CDK6: variants seen among roughly 807,000 people sequenced by gnomAD.
CDK6 encodes cyclin-dependent kinase 6.
A neutral mutation model predicts 37.1 loss-of-function variants in CDK6; 6 were observed. That is an observed-to-expected ratio of 0.16 (90% confidence interval 0.09 to 0.32). The LOEUF (loss-of-function observed/expected upper bound fraction) is 0.32, where lower values mean the gene tolerates loss of function less well. Among genes scored for constraint, CDK6 ranks in the 10% least tolerant of loss-of-function variants. The pLI is 1.00. For synonymous variants in CDK6, 160 were observed against 161.3 expected, an observed-to-expected ratio of 0.99 and a Z score of 0.06; for missense variants, 224 against 418.9, an observed-to-expected ratio of 0.53 and a Z score of 4.06.
At chr7:92,657,604 A>G (rs60814640) in intron 5 of CDK6, among the ~76,000 whole-genome samples, 63,091 of 152,024 alleles carry the variant, frequency 0.42, 13,971 homozygotes, top group African/African-American at 0.57. Flanking sequence ...CTTCCCTATC[A>G]CTACCCAACT....
rs1458517687 is a variant in CDK6, at chr7:92,615,138, C to T, written c.*2G>A. On this transcript the variant is annotated 3_prime_UTR_variant, in exon 8 of 8. Transcript: ENST00000424848. ...GATCAGCTTAAGGCGGCTGCTGAGG[C>T]CTCAGGCTGTATTCAGCTCCGAGGT... 6.2e-7 allele frequency: 1 copy of T among 1,613,302 alleles called. No individual in the cohort carries two copies. The highest frequency in any genetic ancestry group is 1.3e-5 in the African/African-American group (1 of 74,888).
At chr7:92,734,759 G>C (rs1458109844) in intron 3 of CDK6, among the ~76,000 whole-genome samples, 1 of 152,180 alleles carries the variant, frequency 6.6e-6, no homozygotes, top group Non-Finnish European at 1.5e-5. Context: ...AAGAGGCATG[G>C]CATATAAATC....
chr7:92,684,128 G>A (rs1413616839), intron 4 of CDK6, among the ~76,000 whole-genome samples: 2 of 151,478 alleles, frequency 1.3e-5, no homozygotes, highest in Admixed American at 6.6e-5. Flanking sequence ...TGTGAGGCGA[G>A]TATCAACGAC....
intron 4 of CDK6, among the ~76,000 whole-genome samples, chr7:92,704,617 A>T (rs1411572240): frequency 6.6e-6 from 1 of 152,166 alleles, no homozygotes; most frequent in Non-Finnish European, 1.5e-5. Flanking sequence ...TATTCCCCTC[A>T]ATATTATTGC....
rs1283227264 is a variant in CDK6, at chr7:92,725,221, ACT to A, written c.537+403_537+404del. On this transcript the variant is annotated intron_variant, in intron 4 of 7. Coordinates refer to ENST00000424848, the MANE Select transcript of CDK6 (RefSeq NM_001145306.2). ...AGTGCATTAACAAACCTGTGTAGGC[ACT>A]CTGTTTCTCAAAACCATGATGCTGC... 22 of 985,134 alleles carry A rather than the reference ACT, an allele frequency of 2.2e-5. No homozygotes were observed. The Admixed American group carries it at 4.3e-4, about 19-fold the overall frequency. 61.0% of individuals were successfully genotyped at this position (985,134 alleles called of 1,614,324 possible). A position where few individuals can be genotyped will look rare whatever the true frequency, so the allele number is the denominator to read the frequency against.
intron 3 of CDK6, among the ~76,000 whole-genome samples, chr7:92,762,193 C>A (rs1009177808): frequency 6.6e-6 from 1 of 152,164 alleles, no homozygotes; most frequent in Non-Finnish European, 1.5e-5. Flanking sequence ...ATGTTTCAGG[C>A]ACTTACACTC....
rs1795726295 is a variant in CDK6 at position 92,618,328 on chromosome 7, C to T, written c.699-121G>A. 6 of 913,052 alleles carry T rather than the reference C, an allele frequency of 6.6e-6. No homozygotes were observed. The South Asian group carries it at 8.3e-5, about 13-fold the overall frequency. 56.6% of individuals were successfully genotyped at this position (913,052 alleles called of 1,614,324 possible). The stretch of plus-strand genomic sequence containing the variant: ...CATGGGGGGCAGAGTCCCAGGAGAC[C>T]TTCACTTTATCACTGGCAGGGTCTC... On this transcript the variant is annotated intron_variant, in intron 6 of 7. Transcript: ENST00000424848.
intron 5 of CDK6, among the ~76,000 whole-genome samples, chr7:92,656,192 TA>T (rs1195955780): frequency 6.6e-6 from 1 of 152,104 alleles, no homozygotes; most frequent in Non-Finnish European, 1.5e-5. Flanking sequence ...TAAAAGAAGC[TA>T]GGTAATATCT....
chr7:92,785,438 G>C (rs1181521288), intron 2 of CDK6, among the ~76,000 whole-genome samples: 2 of 152,134 alleles, frequency 1.3e-5, no homozygotes, highest in Non-Finnish European at 2.9e-5. Context: ...TTTCTTCTTG[G>C]AGTGATGAAA....
At chr7:92,726,959 C>A (rs558543494) in intron 3 of CDK6, among the ~76,000 whole-genome samples, 2 of 152,120 alleles carry the variant, frequency 1.3e-5, no homozygotes, top group African/African-American at 4.8e-5. Context: ...TAAATGGCAG[C>A]GCTTATTACT....
chr7:92,828,877 T>C (rs1403298071), intron 2 of CDK6, among the ~76,000 whole-genome samples: 2 of 152,290 alleles, frequency 1.3e-5, no homozygotes, highest in Non-Finnish European at 2.9e-5. Context: ...CTAAACAACC[T>C]TGAAAAATCA....
intron 5 of CDK6, among the ~76,000 whole-genome samples, chr7:92,666,226 T>G (rs578087370): frequency 1.3e-5 from 2 of 152,342 alleles, no homozygotes; most frequent in East Asian, 3.9e-4. Context: ...AAAAACAGAC[T>G]TGTCATTATA....
chr7:92,747,216 A>C (rs1270624552), intron 3 of CDK6, among the ~76,000 whole-genome samples: 1 of 152,156 alleles, frequency 6.6e-6, no homozygotes, highest in Non-Finnish European at 1.5e-5. Flanking sequence ...AAGTCCTGTC[A>C]AGTCTTCTCA....
intron 5 of CDK6, among the ~76,000 whole-genome samples, chr7:92,666,509 A>ATATT (rs1796959302): frequency 6.6e-6 from 1 of 152,226 alleles, no homozygotes; most frequent in Non-Finnish European, 1.5e-5. Flanking sequence ...TAGTGGTTAT[A>ATATT]TATTTATTCT....
intron 3 of CDK6, among the ~76,000 whole-genome samples, chr7:92,768,468 G>A (rs1448515777): frequency 1.3e-5 from 2 of 152,150 alleles, no homozygotes; most frequent in Admixed American, 6.5e-5. Flanking sequence ...CCTCTCAGGT[G>A]TCTTTCACAA....
chr7:92,719,795 C>T (rs146370802), intron 4 of CDK6, among the ~76,000 whole-genome samples: 5 of 152,296 alleles, frequency 3.3e-5, no homozygotes, highest in East Asian at 1.9e-4. Flanking sequence ...TCTCTACCCA[C>T]GGATGGCTTT....
chr7:92,796,682 A>C (rs992506830), intron 2 of CDK6, among the ~76,000 whole-genome samples: 4 of 152,168 alleles, frequency 2.6e-5, no homozygotes, highest in African/African-American at 9.7e-5. Flanking sequence ...ATTCAAAAAA[A>C]ACCCTCAAAG....
intron 4 of CDK6, among the ~76,000 whole-genome samples, chr7:92,678,714 T>C (rs1797263533): frequency 6.6e-6 from 1 of 152,256 alleles, no homozygotes; most frequent in South Asian, 2.1e-4. Flanking sequence ...AAGCATGGTA[T>C]GAACACTGTG....
At chr7:92,707,891 A>C (rs1798002864) in intron 4 of CDK6, among the ~76,000 whole-genome samples, 1 of 152,204 alleles carries the variant, frequency 6.6e-6, no homozygotes. Flanking sequence ...TATTATGGGC[A>C]GCAGATGAGC....
Sources: gnomAD v4.1 joint callset for allele counts (sites outside exome capture counted in the v4.1 genomes callset) on GRCh38, gnomAD v4.1.1 for gene constraint, MANE v1.5 for transcripts, NCBI Gene and HGNC (gene_info 2026-07-23, HGNC 2026-07-21) for gene names.